Variants in LRRC37A2 observed in about 807,000 individuals in gnomAD.
LRRC37A2 encodes leucine-rich repeat-containing protein 37A2.
LRRC37A2 carries 9 observed loss-of-function variants against 68.8 expected under a neutral mutation model. The observed-to-expected ratio is 0.13, with a 90% CI of 0.08 to 0.23. The LOEUF is 0.23. Ranked by LOEUF, LRRC37A2 falls within the 10% of genes least tolerant of loss-of-function variation. LRRC37A2 has a pLI of 1.00. For synonymous variants in LRRC37A2, 63 were observed against 367.6 expected (o/e 0.17, Z 9.48); for missense variants, 168 against 950.4 (o/e 0.18, Z 10.82).
chr17:46,742,623 T>C, the LRRC37A2 span, among the ~76,000 whole-genome samples: 1 of 152,158 alleles, frequency 6.6e-6, no homozygotes, highest in Non-Finnish European at 1.5e-5. Context: ...TGAGTTGGCC[T>C]GTGGAAAAGC....
chr17:46,932,157 G>A, the LRRC37A2 span: 1 of 1,614,060 alleles, frequency 6.2e-7, no homozygotes, highest in African/African-American at 1.3e-5. Context: ...AGCAGCAGGA[G>A]AGACAGCGAG....
chr17:46,775,605 A>G, the LRRC37A2 span, among the ~76,000 whole-genome samples: 1 of 146,460 alleles, frequency 6.8e-6, no homozygotes, highest in Admixed American at 6.7e-5. Context: ...AGCAGCCAGA[A>G]GTTCTTTTTT....
the LRRC37A2 span, chr17:46,949,479 C>T: frequency 2.0e-5 from 3 of 152,200 alleles, no homozygotes; most frequent in Non-Finnish European, 2.9e-5. Flanking sequence ...CACAAGCCCC[C>T]AGCTGCCTCT....
chr17:46,542,276 TAA>T (rs1201445727), intron 8 of LRRC37A2, among the ~76,000 whole-genome samples: 1 of 147,312 alleles, frequency 6.8e-6, no homozygotes, highest in Non-Finnish European at 1.5e-5. Flanking sequence ...ATCCAGCGTC[TAA>T]AAGATTTTCT....
chr17:46,775,407 A>G, the LRRC37A2 span, among the ~76,000 whole-genome samples: 1 of 152,142 alleles, frequency 6.6e-6, no homozygotes, highest in Non-Finnish European at 1.5e-5. Flanking sequence ...GGCACCGTGC[A>G]GGGGCATGCT....
the LRRC37A2 span, among the ~76,000 whole-genome samples, chr17:46,943,583 C>T: frequency 1.5e-3 from 227 of 152,342 alleles, 3 homozygotes; most frequent in East Asian, 0.037. Context: ...TGCTCCTCAC[C>T]GCAGGGGCCT....
the LRRC37A2 span, chr17:46,749,717 A>G: frequency 6.8e-7 from 1 of 1,475,656 alleles, no homozygotes; most frequent in Middle Eastern, 1.8e-4. Flanking sequence ...AGCTTACTGT[A>G]GTTTCCTAAT....
At chr17:47,020,999 G>T in the LRRC37A2 span, among the ~76,000 whole-genome samples, 6 of 151,868 alleles carry the variant, frequency 4.0e-5, no homozygotes, top group Non-Finnish European at 8.8e-5. Context: ...AAAAAAAATG[G>T]GAGTACAGTC....
chr17:46,923,679 A>G, the LRRC37A2 span: 13 of 838,236 alleles, frequency 1.6e-5, no homozygotes, highest in African/African-American at 2.1e-4. Flanking sequence ...TATACTAAAG[A>G]CCACATTTTT....
chr17:46,762,590 T>G, the LRRC37A2 span: 2 of 150,562 alleles, frequency 1.3e-5, no homozygotes, highest in Admixed American at 1.3e-4. Flanking sequence ...ATATATATAT[T>G]TATATAATAT....
At chr17:46,779,103 A>ACCCCCCCC in the LRRC37A2 span, among the ~76,000 whole-genome samples, 6 of 133,660 alleles carry the variant, frequency 4.5e-5, no homozygotes, top group Admixed American at 3.9e-4. Flanking sequence ...ACACACACAC[A>ACCCCCCCC]CCCCAGCCCA....
the LRRC37A2 span, among the ~76,000 whole-genome samples, chr17:47,033,014 C>G: frequency 6.6e-6 from 1 of 151,942 alleles, no homozygotes; most frequent in Non-Finnish European, 1.5e-5. Flanking sequence ...CTCAGAATTT[C>G]GAGACCAGCC....
the LRRC37A2 span, among the ~76,000 whole-genome samples, chr17:46,853,166 A>T: frequency 6.6e-6 from 1 of 152,112 alleles, no homozygotes; most frequent in Non-Finnish European, 1.5e-5. Flanking sequence ...TCACTAGGGC[A>T]CAGACTCTGG....
the LRRC37A2 span, among the ~76,000 whole-genome samples, chr17:46,967,669 G>C: frequency 1.1e-3 from 175 of 152,234 alleles, no homozygotes; most frequent in South Asian, 1.0e-3. Flanking sequence ...GGTGCAGAGG[G>C]TTTAGGACAG....
At chr17:46,971,185 A>C in the LRRC37A2 span, among the ~76,000 whole-genome samples, 3 of 152,070 alleles carry the variant, frequency 2.0e-5, no homozygotes, top group Non-Finnish European at 2.9e-5. Flanking sequence ...TAACATATAA[A>C]AATGAGCCAG....
chr17:46,971,967 C>T, the LRRC37A2 span, among the ~76,000 whole-genome samples: 1 of 152,222 alleles, frequency 6.6e-6, no homozygotes, highest in Admixed American at 6.5e-5. Context: ...GTCACACTTA[C>T]AGCCAGGCCT....
the LRRC37A2 span, among the ~76,000 whole-genome samples, chr17:46,489,473 TTTTGTTTG>T: frequency 4.9e-5 from 7 of 143,510 alleles, no homozygotes; most frequent in East Asian, 2.1e-4. Context: ...CTTGTTTGTT[TTTTGTTTG>T]TTTGTTTGTT....
At chr17:46,472,921 A>AT in the LRRC37A2 span, among the ~76,000 whole-genome samples, 1 of 68,840 alleles carries the variant, frequency 1.5e-5, no homozygotes. Context: ...TCTCAAAAAA[A>AT]AAATATATAT....
the LRRC37A2 span, chr17:46,931,224 G>T: frequency 7.8e-6 from 9 of 1,149,078 alleles, no homozygotes; most frequent in Non-Finnish European, 9.3e-6. Flanking sequence ...GCTGACCTCT[G>T]ACATGGCTCT....
Sources: allele counts gnomAD v4.1 joint callset (sites outside exome capture counted in the v4.1 genomes callset), GRCh38; gene constraint gnomAD v4.1.1; transcripts MANE v1.5; gene names NCBI Gene and HGNC (gene_info 2026-07-23, HGNC 2026-07-21).